RBM44: variants seen among roughly 807,000 people sequenced by gnomAD.
The protein encoded by RBM44 is RNA-binding protein 44.
RBM44 carries 66 observed loss-of-function variants against 105.1 expected under a neutral mutation model. The ratio of observed to expected loss-of-function variants is 0.63; its 90% CI spans 0.52 to 0.77. The LOEUF (loss-of-function observed/expected upper bound fraction) is 0.77, where lower values mean the gene tolerates loss of function less well. Ranked by LOEUF, RBM44 falls within the 30% of genes least tolerant of loss-of-function variation. RBM44 has a pLI of 0.00. For missense variants in RBM44, 1,122 were observed against 1,207.8 expected, an observed-to-expected ratio of 0.93 and a Z score of 1.05; for synonymous variants, 365 against 417.6, an observed-to-expected ratio of 0.87 and a Z score of 1.54.
chr2:237,813,668 G>A lies in RBM44; in HGVS notation c.59G>A (p.Gly20Asp), dbSNP rs1358040222. 6.2e-7 allele frequency: 1 copy of A among 1,607,956 alleles called. No individual in the cohort carries two copies. Residue 20 changes from glycine to aspartate, a missense_variant, in exon 2 of 16, where the codon GGC (glycine) becomes GAC (aspartate). Gly to Asp is a moderately conservative substitution (Grantham distance 94, BLOSUM62 -1). This residue lies in a region of RBM44 where 918 missense variants were observed against 955.3 expected (regional missense o/e 0.96). Coordinates refer to ENST00000316997, the MANE Select transcript of RBM44 (RefSeq NM_001080504.3). ...GGTAAAGGCTACCACAGTAATGGAGGCAACCTCCAAAAAGGTAAGGGTCTA... is the reference window on the plus strand; with the variant it reads ...GGTAAAGGCTACCACAGTAATGGAGACAACCTCCAAAAAGGTAAGGGTCTA... ...ASGKGYHSNG[G>D]NLQKDKPSNP...
In RBM44 at chr2:237,818,202, C is replaced by T. The variant is rs200811978; in HGVS notation, c.1283C>T (p.Thr428Met). 1.9e-4 allele frequency: 307 copies of T among 1,613,032 alleles called. 1 individual carries two copies. Among genetic ancestry groups the T allele is most frequent in the African/African-American group, 1.3e-4 (10 of 74,874 alleles). Residue 428 changes from threonine (T) to methionine (M), a missense_variant, in exon 3 of 16, where the codon ACG becomes ATG. Thr to Met is a moderately conservative substitution (Grantham distance 81). Coordinates refer to ENST00000316997, the MANE Select transcript of RBM44 (RefSeq NM_001080504.3). This position sits in a 1 kb window ranked among gnomAD's most constrained non-coding sequence, Gnocchi z 4.6. ...VRDNQAIEDN[T>M]SLKVAHSSTT... ...GATAATCAGGCAATAGAAGATAATA[C>T]GTCCCTAAAAGTTGCTCATAGCAGT...
Position 237,817,782 on chromosome 2 carries a change from C to A in RBM44, c.863C>A (p.Ser288Ter). The A allele has an allele frequency of 6.2e-7, 1 of 1,611,268 alleles. No homozygotes were observed. The highest frequency in any genetic ancestry group is 1.1e-5 in the South Asian group (1 of 90,934). Residue 288 changes from serine (S) to a stop codon, truncating the protein, a stop_gained, in exon 3 of 16, where the codon TCA becomes TAA. Transcript: ENST00000316997. LOFTEE classifies it high-confidence loss of function. ...HEKYKEQETN[S>*]MYHTVFDGSV... Reference sequence around the variant, plus strand: ...AAGTATAAGGAACAAGAGACTAATTCAATGTACCACACTGTATTTGATGGC... The same window carrying A: ...AAGTATAAGGAACAAGAGACTAATTAAATGTACCACACTGTATTTGATGGC...
At position 237,811,105 on chromosome 2, in the gene RBM44, G is replaced by T. The variant is rs574268370; in HGVS notation, c.-18-2487G>T. ...AATGACAAGACGCAAGCTACCAAAG[G>T]CAAGCAGGGCAGGCAGACCTGATCA... On this transcript the variant is annotated intron_variant, in intron 1 of 15. Transcript: ENST00000316997. 3.3e-5 allele frequency among the ~76,000 whole-genome samples: 5 copies of T among 152,182 alleles called. No individual in the cohort carries two copies. The East Asian group carries it at 9.7e-4, about 29-fold the overall frequency.
At chr2:237,805,821 C>G (rs1335152369) in intron 1 of RBM44, among the ~76,000 whole-genome samples, 2 of 152,000 alleles carry the variant, frequency 1.3e-5, no homozygotes, top group Non-Finnish European at 2.9e-5. Flanking sequence ...TAAAATTAGC[C>G]AGGCATGGTG....
rs1023940926 is a variant in RBM44, at chr2:237,803,258, C to G, written c.-19+4397C>G. ...CTCCAGCCTGGGCGACAGAGCGAGACACACACACACACACAGTCTCTCTGT... is the reference window on the plus strand; with the variant it reads ...CTCCAGCCTGGGCGACAGAGCGAGAGACACACACACACACAGTCTCTCTGT... On this transcript the variant is annotated intron_variant, in intron 1 of 15. Coordinates refer to ENST00000316997, the MANE Select transcript of RBM44 (RefSeq NM_001080504.3). The surrounding 1 kb of genome is among the most constrained non-coding windows in gnomAD (Gnocchi z 4.2). Among the ~76,000 whole-genome samples, 59 of 150,684 alleles carry G rather than the reference C, an allele frequency of 3.9e-4. No homozygotes were observed. Among genetic ancestry groups the G allele is most frequent in the African/African-American group, 1.3e-3 (54 of 41,030 alleles).
At position 237,827,559 on chromosome 2, in the gene RBM44, G is replaced by T. The variant is rs879024220; in HGVS notation, c.2600+56G>T. The T allele has an allele frequency of 1.2e-5, 12 of 1,000,816 alleles. No homozygotes were observed. In the South Asian group the frequency reaches 1.5e-4, roughly 12 times the overall value. 62.0% of individuals were successfully genotyped at this position (1,000,816 alleles called of 1,614,324 possible). On this transcript the variant is annotated intron_variant, in intron 12 of 15. Transcript: ENST00000316997. ...TATTATGTGTCTGCTGTTTGCCAAAGGTTCTATACCAGATATCAGCCACAG... is the reference window on the plus strand; with the variant it reads ...TATTATGTGTCTGCTGTTTGCCAAATGTTCTATACCAGATATCAGCCACAG...
intron 12 of RBM44, 123 bp from the exon 13 acceptor site, chr2:237,829,094 C>A (rs1382741256): frequency 3.0e-6 from 2 of 669,356 alleles, no homozygotes; most frequent in Non-Finnish European, 5.0e-6. Flanking sequence ...AGTACAGCAA[C>A]CTTTTTATTT....
At chr2:237,816,178 T>A (rs937998039) in intron 2 of RBM44, among the ~76,000 whole-genome samples, 6 of 152,132 alleles carry the variant, frequency 3.9e-5, no homozygotes, top group African/African-American at 1.2e-4. Flanking sequence ...AAATACAAAG[T>A]TTTTCTGAAG....
Position 237,823,566 on chromosome 2 carries a change from A to C in RBM44, c.2320+12A>C. The stretch of plus-strand genomic sequence containing the variant: ...ACTTGGTGATAAAGGTTAGTATAAA[A>C]ATGTGTTATCTTGTATAGTTGCTGG... On this transcript the variant is annotated intron_variant, in intron 9 of 15. Transcript: ENST00000316997. 1 of 1,198,962 alleles carries C rather than the reference A, an allele frequency of 8.3e-7. No individual in the cohort carries two copies. The allele number at this position is 1,198,962 out of a possible 1,614,324, so 74.3% of individuals were successfully genotyped here.
At chr2:237,806,007 A>G (rs80167458) in intron 1 of RBM44, among the ~76,000 whole-genome samples, 6,605 of 152,186 alleles carry the variant, frequency 0.043, 170 homozygotes, top group Middle Eastern at 0.068. Context: ...AACAACAACA[A>G]AAGAGTAAGA....
chr2:237,830,772 C>G (rs186411552), intron 13 of RBM44, among the ~76,000 whole-genome samples: 47 of 152,162 alleles, frequency 3.1e-4, no homozygotes, highest in African/African-American at 5.8e-4. Context: ...CTCTTTCTAC[C>G]CATAGTACAC....
At chr2:237,822,248 A>G (rs1016068765) in intron 8 of RBM44, among the ~76,000 whole-genome samples, 4 of 152,142 alleles carry the variant, frequency 2.6e-5, no homozygotes, top group Admixed American at 2.6e-4. Context: ...GGGAAAAGTT[A>G]TAATTTCTTC....
At chr2:237,831,333 T>C (rs997583150) in intron 13 of RBM44, among the ~76,000 whole-genome samples, 2 of 151,392 alleles carry the variant, frequency 1.3e-5, no homozygotes, top group Non-Finnish European at 2.9e-5. Flanking sequence ...CAGGCTGGAG[T>C]GCAGTGGCGC....
intron 1 of RBM44, among the ~76,000 whole-genome samples, chr2:237,808,175 G>A (rs1009482304): frequency 2.6e-5 from 4 of 152,144 alleles, no homozygotes; most frequent in African/African-American, 7.2e-5. Flanking sequence ...TTACAGGGCC[G>A]AGTGCAGTGG....
At chr2:237,802,730 A>G (rs939475264) in intron 1 of RBM44, among the ~76,000 whole-genome samples, 1 of 152,190 alleles carries the variant, frequency 6.6e-6, no homozygotes, top group African/African-American at 2.4e-5. Context: ...AACACTTAAC[A>G]TATAACTTAG....
At position 237,818,749 on chromosome 2, in the gene RBM44, T is replaced by TA. The variant is rs376923453; in HGVS notation, c.1678-142dup. Among the ~76,000 whole-genome samples, 3,016 of 148,246 alleles carry TA rather than the reference T, an allele frequency of 0.02. 96 individuals are homozygous for TA. Among genetic ancestry groups the TA allele is most frequent in the African/African-American group, 0.07 (2,832 of 40,608 alleles). Reference sequence around the variant, plus strand: ...AAAGGGAGTAAATTAAAAAGTAAATTAAAAAAAAAAGACGTGTAAATTACC... The same window carrying TA: ...AAAGGGAGTAAATTAAAAAGTAAATTAAAAAAAAAAAGACGTGTAAATTACC... On this transcript the variant is annotated intron_variant, in intron 3 of 15. Transcript: ENST00000316997. The surrounding 1 kb of genome is among the most constrained non-coding windows in gnomAD (Gnocchi z 4.6).
rs1295318628 is a variant in RBM44, at chr2:237,829,506, A to G, written c.2886+4A>G. On this transcript the variant is annotated splice_donor_region_variant and intron_variant, in intron 13 of 15. Coordinates refer to ENST00000316997, the MANE Select transcript of RBM44 (RefSeq NM_001080504.3). ...TGAGGTTTTCCCTTCCGACCAGGTT[A>G]GTGTTTTTGATAGATCCCTTAAATG... The G allele has an allele frequency of 6.2e-7, 1 of 1,605,332 alleles. No homozygotes were observed. The highest frequency in any genetic ancestry group is 8.5e-7 in the Non-Finnish European group (1 of 1,176,546).
chr2:237,817,455 A>T lies in RBM44; in HGVS notation c.536A>T (p.Asp179Val), dbSNP rs777720492. 1 of 1,600,478 alleles carries T rather than the reference A, an allele frequency of 6.2e-7. No homozygotes were observed. The change falls in exon 3 of 16, where the codon GAT (aspartate) becomes GTT (valine). Residue 179 changes from aspartate to valine, a missense_variant. This residue lies in a region of RBM44 where 918 missense variants were observed against 955.3 expected (regional missense o/e 0.96). Transcript: ENST00000316997. Reference protein sequence around the residue: ...RESAEDTQKHDTDEDSQQEYH... With the variant: ...RESAEDTQKHVTDEDSQQEYH... ...AGTGCTGAAGATACACAAAAGCATG[A>T]TACAGATGAAGACTCACAGCAGGAA...
intron 8 of RBM44, among the ~76,000 whole-genome samples, chr2:237,823,057 AGCATAC>A (rs1316664994): frequency 6.6e-6 from 1 of 151,890 alleles, no homozygotes; most frequent in East Asian, 1.9e-4. Flanking sequence ...TATACACATA[AGCATAC>A]GCTAAATTAA....
Sources: gnomAD v4.1 joint callset for allele counts (sites outside exome capture counted in the v4.1 genomes callset) on GRCh38, gnomAD v4.1.1 for gene constraint, gnomAD v4.1.1 regional missense constraint, Gnocchi (gnomAD v3.1) non-coding constraint, MANE v1.5 for transcripts, NCBI Gene and HGNC (gene_info 2026-07-23, HGNC 2026-07-21) for gene names.